The following BRINP1 variants were observed in gnomAD, a reference collection of about 807,000 sequenced individuals.
BRINP1 encodes the protein BMP/retinoic acid inducible neural specific 1, also known as BMP/retinoic acid-inducible neural-specific protein 1.
A neutral mutation model predicts 72.9 loss-of-function variants in BRINP1; 17 were observed. That is an observed-to-expected ratio of 0.23 (90% CI 0.16 to 0.35). BRINP1 has a LOEUF of 0.35. BRINP1 is among the 10% of genes least tolerant of loss of function. The probability of loss-of-function intolerance (pLI) is 1.00; values close to 1 mark genes in which losing one functional copy is unlikely to be tolerated. For missense variants in BRINP1, 850 were observed against 1,001.6 expected (o/e 0.85, Z 2.04); for synonymous variants, 418 against 378.5 (o/e 1.10, Z -1.21).
intron 2 of BRINP1, among the ~76,000 whole-genome samples, chr9:119,257,155 G>T (rs1266177681): frequency 6.6e-6 from 1 of 152,178 alleles, no homozygotes; most frequent in Non-Finnish European, 1.5e-5. Flanking sequence ...CAGTCAGAAA[G>T]ACAGCAGAGT....
intron 3 of BRINP1, among the ~76,000 whole-genome samples, chr9:119,247,863 CT>C (rs1251034454): frequency 1.3e-5 from 2 of 152,166 alleles, no homozygotes; most frequent in Non-Finnish European, 2.9e-5. Context: ...TGTACAATGT[CT>C]GCTATATAGC....
intron 5 of BRINP1, among the ~76,000 whole-genome samples, chr9:119,227,590 A>G (rs1161543746): frequency 6.6e-6 from 1 of 152,064 alleles, no homozygotes. Flanking sequence ...ATAAATTCCC[A>G]TTAGTGCCTC....
Position 119,172,067 on chromosome 9 carries a change from A to G in BRINP1, c.1146-3843T>C, listed in dbSNP as rs1215335405. Reference sequence around the variant, plus strand: ...AATTGACACCCTAACATCACAATTAAAAGAACTAGAAAAGCAAGAGCAAAC... The same window carrying G: ...AATTGACACCCTAACATCACAATTAGAAGAACTAGAAAAGCAAGAGCAAAC... On this transcript the variant is annotated intron_variant, in intron 7 of 7. Transcript: ENST00000265922. 2.1e-5 allele frequency among the ~76,000 whole-genome samples: 3 copies of G among 144,714 alleles called. No individual in the cohort carries two copies. In the East Asian group the frequency reaches 6.0e-4, roughly 29 times the overall value. 94.9% of individuals were successfully genotyped at this position (144,714 alleles called of 152,430 possible).
chr9:119,264,951 G>A (rs1360267149), intron 2 of BRINP1, among the ~76,000 whole-genome samples: 9 of 152,188 alleles, frequency 5.9e-5, no homozygotes, highest in African/African-American at 9.6e-5. Flanking sequence ...GATTACAGGC[G>A]TGAGCCACCG....
At chr9:119,200,077 A>G in intron 7 of BRINP1, among the ~76,000 whole-genome samples, 1 of 152,192 alleles carries the variant, frequency 6.6e-6, no homozygotes, top group Non-Finnish European at 1.5e-5. Context: ...ACATATGTAG[A>G]AAGTACATAC....
chr9:119,295,355 T>C (rs1357438436), intron 2 of BRINP1, among the ~76,000 whole-genome samples: 1 of 152,132 alleles, frequency 6.6e-6, no homozygotes, highest in African/African-American at 2.4e-5. Context: ...GATTTTGTCA[T>C]TGTACAAACA....
intron 2 of BRINP1, among the ~76,000 whole-genome samples, chr9:119,303,366 G>A (rs1233930002): frequency 6.6e-6 from 1 of 150,438 alleles, no homozygotes; most frequent in East Asian, 1.9e-4. Flanking sequence ...ATGTTCTTGG[G>A]TGAGAAGCAA....
Position 119,325,293 on chromosome 9 carries a change from A to T in BRINP1, c.-50-11888T>A, listed in dbSNP as rs1026163839. Among the ~76,000 whole-genome samples, 12 of 152,214 alleles carry T rather than the reference A, an allele frequency of 7.9e-5. No homozygotes were observed. In the East Asian group the frequency reaches 2.3e-3, roughly 29 times the overall value. On this transcript the variant is annotated intron_variant, in intron 1 of 7. Transcript: ENST00000265922. Reference sequence around the variant, plus strand: ...GCTCAAAATATCCCCAACCAAACTCATTATCACCCTCTCAAACTTTCCTGT... The same window carrying T: ...GCTCAAAATATCCCCAACCAAACTCTTTATCACCCTCTCAAACTTTCCTGT...
At chr9:119,191,782 C>CCAGT (rs1829686368) in intron 7 of BRINP1, among the ~76,000 whole-genome samples, 1 of 151,788 alleles carries the variant, frequency 6.6e-6, no homozygotes, top group African/African-American at 2.4e-5. Context: ...CCAAAACTCA[C>CCAGT]ATAGCCAAAG....
chr9:119,172,580 G>GAAACT (rs1365170228), intron 7 of BRINP1, among the ~76,000 whole-genome samples: 11 of 151,464 alleles, frequency 7.3e-5, no homozygotes, highest in Non-Finnish European at 7.4e-5. Flanking sequence ...CATTCCTTCT[G>GAAACT]AAACTATTCC....
chr9:119,321,487 T>A (rs986055859), intron 1 of BRINP1, among the ~76,000 whole-genome samples: 1 of 152,142 alleles, frequency 6.6e-6, no homozygotes, highest in African/African-American at 2.4e-5. Flanking sequence ...TTATTTTTTT[T>A]ATTTATTTAT....
chr9:119,169,978 T>C (rs1829382448), intron 7 of BRINP1, among the ~76,000 whole-genome samples: 2 of 152,164 alleles, frequency 1.3e-5, no homozygotes, highest in Non-Finnish European at 2.9e-5. Context: ...AAAACCCACC[T>C]GTACATCACC....
chr9:119,307,451 G>A (rs1410723249), intron 2 of BRINP1, among the ~76,000 whole-genome samples: 2 of 152,136 alleles, frequency 1.3e-5, no homozygotes, highest in African/African-American at 4.8e-5. Flanking sequence ...CAGGGGGAAT[G>A]CCAAACTTGG....
Position 119,169,814 on chromosome 9 carries a change from T to TCCCTGAC in BRINP1, c.1146-1597_1146-1591dup, listed in dbSNP as rs530802343. On this transcript the variant is annotated intron_variant, in intron 7 of 7. Transcript: ENST00000265922. ...CGGGCAGACTGCCTCCTCAAGTGGG[T>TCCCTGAC]CCCTGACCCCTGACCCCTGAGCAGC... is the stretch of plus-strand genomic sequence containing the variant. Among the ~76,000 whole-genome samples, 5 of 152,242 alleles carry TCCCTGAC rather than the reference T, an allele frequency of 3.3e-5. No homozygotes were observed. The South Asian group carries it at 6.2e-4, about 19-fold the overall frequency.
chr9:119,205,434 T>C (rs1371640074), intron 7 of BRINP1, among the ~76,000 whole-genome samples: 1 of 152,110 alleles, frequency 6.6e-6, no homozygotes, highest in Non-Finnish European at 1.5e-5. Context: ...GAAGGTCCCA[T>C]GATGGTAGAG....
Position 119,167,266 on chromosome 9 carries a change from G to T in BRINP1, c.2104C>A (p.Arg702=). ...ACAGGAGGGGCCAGGCGATTAATTCGGTCCCGAATATCCAACAAGAGGAGC... is the reference window on the plus strand; with the variant it reads ...ACAGGAGGGGCCAGGCGATTAATTCTGTCCCGAATATCCAACAAGAGGAGC... ...VMLLLLDIRD[R]INRLAPPVAP... The change falls in exon 8 of 8, where the codon CGA becomes AGA. Residue 702 remains arginine (R), a synonymous_variant. Transcript: ENST00000265922. The surrounding 1 kb of genome is among the most constrained non-coding windows in gnomAD (Gnocchi z 4.3). 1 of 1,614,128 alleles carries T rather than the reference G, an allele frequency of 6.2e-7. No individual in the cohort carries two copies. Among genetic ancestry groups the T allele is most frequent in the Non-Finnish European group, 8.5e-7 (1 of 1,180,038 alleles).
chr9:119,239,169 G>C (rs1332211426), intron 4 of BRINP1, among the ~76,000 whole-genome samples: 2 of 152,236 alleles, frequency 1.3e-5, no homozygotes, highest in Admixed American at 6.5e-5. Context: ...ATCAAAGCTA[G>C]TAAATCTCTT....
At chr9:119,324,389 C>G (rs1831218361) in intron 1 of BRINP1, among the ~76,000 whole-genome samples, 1 of 152,016 alleles carries the variant, frequency 6.6e-6, no homozygotes, top group Admixed American at 6.6e-5. Flanking sequence ...TTATCGGTGC[C>G]TAGTGATATG....
At chr9:119,351,082 C>T (rs1263225018) in intron 1 of BRINP1, among the ~76,000 whole-genome samples, 1 of 152,066 alleles carries the variant, frequency 6.6e-6, no homozygotes, top group Non-Finnish European at 1.5e-5. Flanking sequence ...CCCCAACCCC[C>T]GACAGGCCCA....
Sources: gnomAD v4.1 joint callset for allele counts (sites outside exome capture counted in the v4.1 genomes callset) on GRCh38, gnomAD v4.1.1 for gene constraint, Gnocchi (gnomAD v3.1) non-coding constraint, MANE v1.5 for transcripts, NCBI Gene and HGNC (gene_info 2026-07-23, HGNC 2026-07-21) for gene names.